The following SNX27 variants were observed in gnomAD, a reference collection of about 807,000 sequenced individuals.
SNX27 encodes sorting nexin 27, also known as sorting nexin-27.
A neutral mutation model predicts 71.6 loss-of-function variants in SNX27; 22 were observed. The observed-to-expected ratio is 0.31, with a 90% confidence interval of 0.22 to 0.44. The LOEUF (loss-of-function observed/expected upper bound fraction) is 0.44, where lower values mean the gene tolerates loss of function less well. SNX27 is among the 20% of genes least tolerant of loss of function. SNX27 has a pLI of 1.00. For synonymous variants in SNX27, 269 were observed against 277.2 expected, an observed-to-expected ratio of 0.97 and a Z score of 0.29; for missense variants, 531 against 698.6, an observed-to-expected ratio of 0.76 and a Z score of 2.70.
intron 3 of SNX27, 174 bp from the exon 4 acceptor site, chr1:151,660,624 G>A: frequency 1.7e-6 from 1 of 580,094 alleles, no homozygotes; most frequent in Non-Finnish European, 3.1e-6. Flanking sequence ...TTAGATGAAT[G>A]TTTGTCATGC....
At chr1:151,682,488 A>AT (rs1220489888) in intron 7 of SNX27, among the ~76,000 whole-genome samples, 1 of 151,830 alleles carries the variant, frequency 6.6e-6, no homozygotes, top group African/African-American at 2.4e-5. Flanking sequence ...TGCCCAGCTA[A>AT]TTTTTTGTAT....
intron 2 of SNX27, among the ~76,000 whole-genome samples, chr1:151,640,169 C>T (rs1668659820): frequency 6.6e-6 from 1 of 152,176 alleles, no homozygotes; most frequent in Non-Finnish European, 1.5e-5. Context: ...GCATGGACTT[C>T]TGTAGTCTTA....
intron 1 of SNX27, among the ~76,000 whole-genome samples, chr1:151,626,366 G>A (rs1667940879): frequency 6.6e-6 from 1 of 151,670 alleles, no homozygotes. Context: ...CTTATTTTGA[G>A]CCAAGACACT....
At chr1:151,639,234 C>A in intron 2 of SNX27, 115 bp downstream of exon 2, 1 of 830,346 alleles carries the variant, frequency 1.2e-6, no homozygotes, top group Non-Finnish European at 1.9e-6. Context: ...AGTTTGTCTA[C>A]CAGGAGGATG....
At chr1:151,621,187 T>C (rs917151975) in intron 1 of SNX27, among the ~76,000 whole-genome samples, 2 of 152,238 alleles carry the variant, frequency 1.3e-5, no homozygotes, top group African/African-American at 4.8e-5. Context: ...TGTTGCTTTC[T>C]TTCATAATAT....
At chr1:151,685,555 G>C (rs1671160539) in intron 8 of SNX27, 1 of 152,184 alleles carries the variant, frequency 6.6e-6, no homozygotes, top group Non-Finnish European at 1.5e-5. Context: ...GGTAGCATGT[G>C]CCTGTAATCC....
At chr1:151,616,042 T>C (rs1667409745) in intron 1 of SNX27, among the ~76,000 whole-genome samples, 1 of 152,234 alleles carries the variant, frequency 6.6e-6, no homozygotes, top group Admixed American at 6.5e-5. Flanking sequence ...GCTCTAAATT[T>C]TACTGCAGAT....
At position 151,612,797 on chromosome 1, in the gene SNX27, G is replaced by A. The variant is rs560433237; in HGVS notation, c.311+285G>A. Among the ~76,000 whole-genome samples, 1 of 151,840 alleles carries A rather than the reference G, an allele frequency of 6.6e-6. No homozygotes were observed. The highest frequency in any genetic ancestry group is 1.5e-5 in the Non-Finnish European group (1 of 67,988). ...CCCCGATTACTCTGGGCTCTTCTCC[G>A]CCCCTTTGCCTTCCCGTTTGGCGTG... is the stretch of plus-strand genomic sequence containing the variant. On this transcript the variant is annotated intron_variant, in intron 1 of 11. Coordinates refer to ENST00000458013, the MANE Select transcript of SNX27 (RefSeq NM_001330723.2). This position sits in a 1 kb window ranked among gnomAD's most constrained non-coding sequence, Gnocchi z 5.2.
At chr1:151,653,702 G>T (rs537338136) in intron 2 of SNX27, among the ~76,000 whole-genome samples, 4 of 151,762 alleles carry the variant, frequency 2.6e-5, no homozygotes, top group Admixed American at 1.3e-4. Context: ...TTTACTTTTT[G>T]TAGAGACAGA....
At chr1:151,669,806 T>C (rs1360413251) in intron 7 of SNX27, among the ~76,000 whole-genome samples, 1 of 152,212 alleles carries the variant, frequency 6.6e-6, no homozygotes, top group Non-Finnish European at 1.5e-5. Flanking sequence ...TGAGATGTTT[T>C]GATACAGGCA....
intron 1 of SNX27, among the ~76,000 whole-genome samples, chr1:151,629,895 A>T (rs1297973162): frequency 1.3e-5 from 2 of 150,216 alleles, no homozygotes; most frequent in Non-Finnish European, 3.0e-5. Context: ...CCATATATAT[A>T]TATATTTTTT....
At chr1:151,668,663 A>G (rs1379703895) in intron 7 of SNX27, 28 bp downstream of exon 7, 1 of 1,599,330 alleles carries the variant, frequency 6.3e-7, no homozygotes, top group South Asian at 1.1e-5. Context: ...CTTGAAAGGC[A>G]CAATTTCTTT....
chr1:151,621,382 T>G (rs984556222), intron 1 of SNX27, among the ~76,000 whole-genome samples: 15 of 152,228 alleles, frequency 9.9e-5, no homozygotes, highest in African/African-American at 3.4e-4. Flanking sequence ...AGTACTCTTA[T>G]GTGTACTTCC....
chr1:151,668,321 T>C (rs1383935364), intron 6 of SNX27, 151 bp from the exon 7 acceptor site: 1 of 631,934 alleles, frequency 1.6e-6, no homozygotes, highest in Admixed American at 3.7e-5. Flanking sequence ...TAAGGCTGTT[T>C]TGTGCTCCCA....
rs2102683902 is a variant in SNX27 at position 151,662,231 on chromosome 1, C to A, written c.867C>A (p.Val289=). ...TACCAGATGGAACAACGGTTACAGT[C>A]AGGGTTAAAAAGAACAGTACTACAG... The part of the protein sequence containing the change: ...VALPDGTTVT[V]RVKKNSTTDQ... The change falls in exon 5 of 12, where the codon GTC becomes GTA. Residue 289 remains valine, a synonymous_variant. Coordinates refer to ENST00000458013, the MANE Select transcript of SNX27 (RefSeq NM_001330723.2). 6.2e-7 allele frequency: 1 copy of A among 1,613,450 alleles called. No individual in the cohort carries two copies. Among genetic ancestry groups the A allele is most frequent in the South Asian group, 1.1e-5 (1 of 91,030 alleles).
In SNX27 at chr1:151,696,588, A is replaced by G. The variant is rs1022774521; in HGVS notation, c.*2171A>G. On this transcript the variant is annotated 3_prime_UTR_variant, in exon 12 of 12. Coordinates refer to ENST00000458013, the MANE Select transcript of SNX27 (RefSeq NM_001330723.2). The stretch of plus-strand genomic sequence containing the variant: ...TTCCTTCTTTCATCTCTTTTTTGTA[A>G]TTTGTTGTTGCAAATCATTGTGAGG... 1 of 107,480 alleles carries G rather than the reference A, an allele frequency of 9.3e-6. No homozygotes were observed. Among genetic ancestry groups the G allele is most frequent in the Non-Finnish European group, 2.0e-5 (1 of 49,784 alleles). 6.7% of individuals were successfully genotyped at this position (107,480 alleles called of 1,614,324 possible). A position where few individuals can be genotyped will look rare whatever the true frequency, so the allele number is the denominator to read the frequency against.
At chr1:151,684,312 G>C (rs1227374614) in intron 8 of SNX27, among the ~76,000 whole-genome samples, 1 of 152,124 alleles carries the variant, frequency 6.6e-6, no homozygotes, top group African/African-American at 2.4e-5. Context: ...TTCTCTAGCT[G>C]CTCTAGCCAC....
rs1026046734 is a variant in SNX27, at chr1:151,637,156, T to G, written c.312-1732T>G. Among the ~76,000 whole-genome samples the G allele has an allele frequency of 8.6e-4, 24 of 27,970 alleles. 1 individual carries two copies. The highest frequency in any genetic ancestry group is 2.0e-3 in the Non-Finnish European group (6 of 3,000). The allele number at this position is 27,970 out of a possible 152,430, so 18.3% of individuals were successfully genotyped here. On this transcript the variant is annotated intron_variant, in intron 1 of 11. Transcript: ENST00000458013. ...GTATATGATCAGAGTTGATCACGTTTTTTTTGTTTTTTTGTTTTTTTTTTT... is the reference window on the plus strand; with the variant it reads ...GTATATGATCAGAGTTGATCACGTTGTTTTTGTTTTTTTGTTTTTTTTTTT...
intron 2 of SNX27, among the ~76,000 whole-genome samples, chr1:151,653,494 T>A (rs550843692): frequency 6.6e-6 from 1 of 152,284 alleles, no homozygotes; most frequent in South Asian, 2.1e-4. Flanking sequence ...GAGTGAGGGC[T>A]GGGGTTCTGA....
Sources: gnomAD v4.1 joint callset for allele counts (sites outside exome capture counted in the v4.1 genomes callset) on GRCh38, gnomAD v4.1.1 for gene constraint, Gnocchi (gnomAD v3.1) non-coding constraint, MANE v1.5 for transcripts, NCBI Gene and HGNC (gene_info 2026-07-23, HGNC 2026-07-21) for gene names.